The following APOO variants were observed in gnomAD, a reference collection of about 807,000 sequenced individuals.
The protein encoded by APOO is MICOS complex subunit MIC26.
APOO carries 11 observed loss-of-function variants against 23.1 expected under a neutral mutation model. The observed-to-expected ratio is 0.48, with a 90% CI of 0.30 to 0.79. The LOEUF is 0.79. Among genes scored for constraint, APOO ranks in the 30% least tolerant of loss-of-function variants. The pLI, the probability that APOO is intolerant of heterozygous loss-of-function variation, is 0.07. For synonymous variants in APOO, 59 were observed against 54.8 expected (o/e 1.08, Z -0.34); for missense variants, 160 against 142.7 (o/e 1.12, Z -0.62).
intron 5 of APOO, among the ~76,000 whole-genome samples, chrX:23,863,283 C>T (rs941678108): frequency 8.9e-6 from 1 of 112,050 alleles, no homozygotes. Flanking sequence ...TTGCAGTGAG[C>T]GGAGATTGTG....
At chrX:23,873,794 C>T (rs1925723844) in intron 4 of APOO, among the ~76,000 whole-genome samples, 4 of 110,848 alleles carry the variant, frequency 3.6e-5, no homozygotes, top group Non-Finnish European at 5.7e-5. Flanking sequence ...ATTTTGTTTG[C>T]GAGATGCCTA....
At chrX:23,893,127 C>T (rs1371580214) in intron 1 of APOO, among the ~76,000 whole-genome samples, 1 of 109,509 alleles carries the variant, frequency 9.1e-6, no homozygotes, top group Admixed American at 9.8e-5. Flanking sequence ...AATGAAAAAT[C>T]AAGAGAAAGG....
At chrX:23,868,976 T>G (rs1268867477) in intron 4 of APOO, among the ~76,000 whole-genome samples, 2 of 106,945 alleles carry the variant, frequency 1.9e-5, no homozygotes, top group Non-Finnish European at 3.9e-5. Context: ...TGGCGTGATC[T>G]CGGCTCACTG....
intron 5 of APOO, among the ~76,000 whole-genome samples, chrX:23,863,251 T>A (rs1271576455): frequency 1.8e-5 from 2 of 111,986 alleles, no homozygotes; most frequent in African/African-American, 6.5e-5. Flanking sequence ...TGAGAATCAC[T>A]TGAACCCAGA....
chrX:23,881,770 CT>C (rs1309932846), intron 1 of APOO, among the ~76,000 whole-genome samples: 1 of 75,100 alleles, frequency 1.3e-5, no homozygotes, highest in Non-Finnish European at 2.3e-5. Context: ...AATCCCGTCT[CT>C]ACTAAAATTA....
rs778244571 is a variant in APOO, at chrX:23,852,409, C to A, written c.561+3893G>T. Among the ~76,000 whole-genome samples the A allele has an allele frequency of 3.6e-5, 4 of 110,383 alleles. No homozygotes were observed. The South Asian group carries it at 1.6e-3, about 43-fold the overall frequency. ...GTCAGGAGATCAAGACCACCCTGCA[C>A]AACATGGTGAAACCCCATCTCTACT... On this transcript the variant is annotated intron_variant, in intron 7 of 8. Transcript: ENST00000379226.
At chrX:23,873,110 C>T (rs1925691499) in intron 4 of APOO, among the ~76,000 whole-genome samples, 1 of 110,750 alleles carries the variant, frequency 9.0e-6, no homozygotes, top group African/African-American at 3.3e-5. Flanking sequence ...GTATTATTGA[C>T]TGCAGTCACC....
At chrX:23,875,487 C>T (rs1029640967) in intron 3 of APOO, among the ~76,000 whole-genome samples, 23 of 102,517 alleles carry the variant, frequency 2.2e-4, no homozygotes, top group Non-Finnish European at 3.8e-4. Flanking sequence ...GGCGCGACCT[C>T]GGCTCACTGC....
chrX:23,843,643 G>GGA (rs1924105877), intron 7 of APOO, among the ~76,000 whole-genome samples: 1 of 98,825 alleles, frequency 1.0e-5, no homozygotes, highest in Non-Finnish European at 2.0e-5. Context: ...GGAGTGCAGT[G>GGA]GCGCAATCTC....
intron 8 of APOO, chrX:23,837,434 G>A: frequency 2.1e-6 from 1 of 477,582 alleles, no homozygotes. Context: ...TGAAGTGGGA[G>A]GATCACCTAA....
intron 7 of APOO, among the ~76,000 whole-genome samples, chrX:23,846,615 C>T (rs1183548398): frequency 5.0e-5 from 4 of 80,166 alleles, no homozygotes; most frequent in Non-Finnish European, 8.9e-5. Flanking sequence ...GGCTACAGAG[C>T]AAGACTCCAT....
intron 1 of APOO, among the ~76,000 whole-genome samples, chrX:23,905,160 G>A: frequency 9.1e-6 from 1 of 109,419 alleles, no homozygotes; most frequent in South Asian, 4.0e-4. Context: ...AGGCCAAGGC[G>A]GGCGAATCAC....
At chrX:23,873,151 C>T (rs767647173) in intron 4 of APOO, among the ~76,000 whole-genome samples, 53 of 111,697 alleles carry the variant, frequency 4.7e-4, no homozygotes, top group African/African-American at 1.4e-3. Flanking sequence ...AGGTCTTATT[C>T]ATTCTAACTA....
At chrX:23,895,876 A>T (rs75923067) in intron 1 of APOO, among the ~76,000 whole-genome samples, 161 of 105,869 alleles carry the variant, frequency 1.5e-3, no homozygotes, top group East Asian at 0.01. Context: ...CATTTTTTTT[A>T]AAAAAAAAAA....
chrX:23,890,565 G>A (rs776338643), intron 1 of APOO, among the ~76,000 whole-genome samples: 2 of 112,282 alleles, frequency 1.8e-5, no homozygotes, highest in African/African-American at 3.2e-5. Context: ...GAAGCGATAC[G>A]CATTCTGTAG....
At chrX:23,881,000 G>A in intron 1 of APOO, 48 bp from the exon 2 acceptor site, 1 of 896,746 alleles carries the variant, frequency 1.1e-6, no homozygotes, top group Non-Finnish European at 1.5e-6. Flanking sequence ...CAGACCGAAT[G>A]TGCAGAACAT....
chrX:23,840,365 T>C lies in APOO; in HGVS notation c.574A>G (p.Lys192Glu). The C allele has an allele frequency of 8.3e-7, 1 of 1,201,027 alleles. No individual in the cohort carries two copies. Among genetic ancestry groups the C allele is most frequent in the Non-Finnish European group, 1.1e-6 (1 of 890,877 alleles). Residue 192 changes from lysine to glutamate, a missense_variant, in exon 8 of 9, where the codon AAG becomes GAG. Lys to Glu is a moderately conservative substitution (Grantham distance 56). Coordinates refer to ENST00000379226, the MANE Select transcript of APOO (RefSeq NM_024122.5). ...KENFQKPGNV[K>E]NSPGTK ...TTCTACTTAGTTCCAGGTGAATTCT[T>C]CACATTTCCTGGCTTTTAAAACAAA...
intron 6 of APOO, among the ~76,000 whole-genome samples, chrX:23,856,844 A>G: frequency 8.8e-6 from 1 of 113,140 alleles, no homozygotes; most frequent in Non-Finnish European, 1.9e-5. Flanking sequence ...GTGGGCCAAC[A>G]TGCCCAGCCA....
At chrX:23,889,670 T>G (rs1482745197) in intron 1 of APOO, among the ~76,000 whole-genome samples, 2 of 101,782 alleles carry the variant, frequency 2.0e-5, no homozygotes, top group African/African-American at 3.6e-5. Context: ...TTTTTTTTTT[T>G]TTTTTTTTTT....
Sources: allele counts gnomAD v4.1 joint callset (sites outside exome capture counted in the v4.1 genomes callset), GRCh38; gene constraint gnomAD v4.1.1; transcripts MANE v1.5; gene names NCBI Gene and HGNC (gene_info 2026-07-23, HGNC 2026-07-21).